RPGRIP1L: variants seen among roughly 807,000 people sequenced by gnomAD.
The protein encoded by RPGRIP1L is RPGRIP1 like.
RPGRIP1L carries 131 observed loss-of-function variants against 160.4 expected under a neutral mutation model. That is an observed-to-expected ratio of 0.82 (90% CI 0.71 to 0.94). RPGRIP1L has a LOEUF of 0.94. Among genes scored for constraint, RPGRIP1L ranks in the 40% least tolerant of loss-of-function variants. RPGRIP1L has a pLI of 0.00. For missense variants in RPGRIP1L, 1,522 were observed against 1,535.8 expected, an observed-to-expected ratio of 0.99 and a Z score of 0.15; for synonymous variants, 510 against 515.8, an observed-to-expected ratio of 0.99 and a Z score of 0.15.
chr16:53,635,269 G>C (rs1288469398), intron 22 of RPGRIP1L, among the ~76,000 whole-genome samples: 1 of 152,098 alleles, frequency 6.6e-6, no homozygotes. Flanking sequence ...TGGTTCTATT[G>C]CAGGTCTAAG....
At chr16:53,689,291 T>C (rs1970231170) in intron 4 of RPGRIP1L, among the ~76,000 whole-genome samples, 1 of 152,156 alleles carries the variant, frequency 6.6e-6, no homozygotes, top group African/African-American at 2.4e-5. Context: ...TTCAGTATGC[T>C]GTTGTTGCCT....
intron 22 of RPGRIP1L, among the ~76,000 whole-genome samples, chr16:53,624,405 T>C (rs1412911297): frequency 6.6e-6 from 1 of 151,462 alleles, no homozygotes; most frequent in Admixed American, 6.6e-5. Flanking sequence ...ACAAAAAAAT[T>C]AGCCGGGCGT....
intron 24 of RPGRIP1L, among the ~76,000 whole-genome samples, chr16:53,612,394 C>CA (rs1964102851): frequency 1.3e-5 from 2 of 151,602 alleles, no homozygotes; most frequent in Non-Finnish European, 2.9e-5. Context: ...TTATCAATGC[C>CA]AAAAAGTCAT....
chr16:53,699,911 C>T (rs1971250135), intron 2 of RPGRIP1L, among the ~76,000 whole-genome samples: 2 of 152,036 alleles, frequency 1.3e-5, no homozygotes, highest in African/African-American at 2.4e-5. Context: ...TTCACAGTGG[C>T]CATTTACACT....
intron 2 of RPGRIP1L, among the ~76,000 whole-genome samples, chr16:53,699,386 TAAAAAA>T (rs10652484): frequency 1.3e-5 from 1 of 77,452 alleles, no homozygotes; most frequent in South Asian, 5.6e-4. Context: ...GAATGATCAA[TAAAAAA>T]AAAAAAAAAA....
chr16:53,684,293 C>A (rs555874795), intron 6 of RPGRIP1L, among the ~76,000 whole-genome samples: 1 of 152,146 alleles, frequency 6.6e-6, no homozygotes, highest in Non-Finnish European at 1.5e-5. Context: ...CACATGCACA[C>A]GTATGTTTAT....
At chr16:53,658,723 T>C (rs1267087299) in intron 11 of RPGRIP1L, 49 bp downstream of exon 11, 11 of 1,256,082 alleles carry the variant, frequency 8.8e-6, no homozygotes, top group Non-Finnish European at 1.3e-5. Context: ...GCATAAAATA[T>C]TGAGATAAAA....
intron 7 of RPGRIP1L, among the ~76,000 whole-genome samples, chr16:53,674,559 G>GA (rs993290626): frequency 8.6e-5 from 13 of 150,674 alleles, no homozygotes; most frequent in South Asian, 2.1e-4. Context: ...GACCAAAAAA[G>GA]AAAAAAAAAT....
intron 25 of RPGRIP1L, among the ~76,000 whole-genome samples, chr16:53,607,117 T>C (rs1963739023): frequency 6.8e-6 from 1 of 147,528 alleles, no homozygotes; most frequent in Admixed American, 6.7e-5. Context: ...TCCTACTGCT[T>C]AGCTGTGTGA....
At chr16:53,694,320 C>T (rs1429916947) in intron 3 of RPGRIP1L, 1 of 151,254 alleles carries the variant, frequency 6.6e-6, no homozygotes, top group Non-Finnish European at 1.5e-5. Context: ...GCCTGTGATC[C>T]CAGCTACTCG....
intron 26 of RPGRIP1L, among the ~76,000 whole-genome samples, chr16:53,603,976 G>A (rs16952362): frequency 2.0e-5 from 3 of 151,914 alleles, no homozygotes; most frequent in Non-Finnish European, 2.9e-5. Flanking sequence ...GGTCATATGC[G>A]GTCTCTCAGA....
chr16:53,691,916 A>C, intron 4 of RPGRIP1L, 150 bp downstream of exon 4: 1 of 738,508 alleles, frequency 1.4e-6, no homozygotes, highest in Non-Finnish European at 2.3e-6. Flanking sequence ...ATCTTCACTG[A>C]CAATATTATT....
In RPGRIP1L at chr16:53,641,323, T is replaced by G. The variant is rs778639717; in HGVS notation, c.2836A>C (p.Arg946=). 3 of 1,613,978 alleles carry G rather than the reference T, an allele frequency of 1.9e-6. No individual in the cohort carries two copies. The South Asian group carries it at 3.3e-5, about 18-fold the overall frequency. ...CTAACAGAGGATGCTGGAGGAAGTC[T>G]TTGAACAACTTCTGGCTCTTCGCTG... ...IRSEEPEVVQ[R]LPPASSVSTL... Residue 946 remains arginine, a synonymous_variant, in exon 18 of 27, where the codon AGA becomes CGA. Coordinates refer to ENST00000647211, the MANE Select transcript of RPGRIP1L (RefSeq NM_015272.5).
rs568801926 is a variant in RPGRIP1L at position 53,622,339 on chromosome 16, G to C, written c.3312C>G (p.Pro1104=). ...AGATCGCGCTACTGCACCCCAGCCC[G>C]GGAGACAATGCGAGACTCTGTCTCA... ...KNIKQSLALS[P]GLGCSSAISA... The change falls in exon 23 of 27, where the codon CCC becomes CCG. Residue 1104 remains proline (P), a synonymous_variant. Coordinates refer to ENST00000647211, the MANE Select transcript of RPGRIP1L (RefSeq NM_015272.5). 5 of 633,006 alleles carry C rather than the reference G, an allele frequency of 7.9e-6. No individual in the cohort carries two copies. The highest frequency in any genetic ancestry group is 1.4e-5 in the Non-Finnish European group (5 of 347,162). The allele number at this position is 633,006 out of a possible 1,614,324, so 39.2% of individuals were successfully genotyped here.
chr16:53,645,830 A>G lies in RPGRIP1L; in HGVS notation c.2478T>C (p.Asp826=). 6.2e-7 allele frequency: 1 copy of G among 1,614,210 alleles called. No individual in the cohort carries two copies. Among genetic ancestry groups the G allele is most frequent in the Non-Finnish European group, 8.5e-7 (1 of 1,180,026 alleles). Residue 826 remains aspartate, a synonymous_variant, in exon 17 of 27, where the codon GAT becomes GAC. Coordinates refer to ENST00000647211, the MANE Select transcript of RPGRIP1L (RefSeq NM_015272.5). ...CATTGCTACTGGGAATGATAGCTGT[A>G]TCATGGTCTGCAAAATCAAAAAACT... The part of the protein sequence containing the change: ...VYKFFDFADH[D]TAIIPSSNDP...
rs755820734 is a variant in RPGRIP1L, at chr16:53,602,167, C to T, written c.3857G>A (p.Gly1286Asp). ...TACCCTGAGCTTGCCAATACCTTCA[C>T]CATCTGCTCGTGCATCAAAAACTAG... ...NIDVFDARADGEGIGKLRVTV... is the reference protein window; with the variant it reads ...NIDVFDARADDEGIGKLRVTV... The change falls in exon 27 of 27, where the codon GGT becomes GAT. Residue 1286 changes from glycine to aspartate, a missense_variant. Coordinates refer to ENST00000647211, the MANE Select transcript of RPGRIP1L (RefSeq NM_015272.5). 6 of 1,613,276 alleles carry T rather than the reference C, an allele frequency of 3.7e-6. No individual in the cohort carries two copies. Among genetic ancestry groups the T allele is most frequent in the Non-Finnish European group, 5.1e-6 (6 of 1,179,302 alleles).
At chr16:53,615,898 G>A (rs1180314073) in intron 24 of RPGRIP1L, among the ~76,000 whole-genome samples, 1 of 152,094 alleles carries the variant, frequency 6.6e-6, no homozygotes, top group Non-Finnish European at 1.5e-5. Flanking sequence ...CGCCCAGCCA[G>A]GAGATATATA....
At chr16:53,631,861 C>T (rs1458353290) in intron 22 of RPGRIP1L, among the ~76,000 whole-genome samples, 2 of 151,942 alleles carry the variant, frequency 1.3e-5, no homozygotes, top group South Asian at 2.1e-4. Context: ...GTCCGGGAAA[C>T]GAAGAAAGAT....
intron 22 of RPGRIP1L, among the ~76,000 whole-genome samples, chr16:53,624,738 A>C: frequency 6.6e-6 from 1 of 152,032 alleles, no homozygotes; most frequent in South Asian, 2.1e-4. Context: ...TTTCATCATA[A>C]GAAAATGGGA....
Sources: allele counts gnomAD v4.1 joint callset (sites outside exome capture counted in the v4.1 genomes callset), GRCh38; gene constraint gnomAD v4.1.1; transcripts MANE v1.5; gene names NCBI Gene and HGNC (gene_info 2026-07-23, HGNC 2026-07-21).